CHP1: variants seen among roughly 807,000 people sequenced by gnomAD.
CHP1 encodes the protein calcineurin like EF-hand protein 1, also known as calcineurin B homologous protein 1.
CHP1 carries 11 observed loss-of-function variants against 27.4 expected under a neutral mutation model. That is an observed-to-expected ratio of 0.40 (90% CI 0.25 to 0.67). The LOEUF is 0.67. CHP1 is among the 30% of genes least tolerant of loss of function. The pLI is 0.38. For missense variants in CHP1, 169 were observed against 251.3 expected, an observed-to-expected ratio of 0.67 and a Z score of 2.22; for synonymous variants, 89 against 87.4, an observed-to-expected ratio of 1.02 and a Z score of -0.10.
chr15:41,256,300 A>G (rs2047400400), intron 2 of CHP1, among the ~76,000 whole-genome samples: 1 of 152,210 alleles, frequency 6.6e-6, no homozygotes, highest in Non-Finnish European at 1.5e-5. Context: ...CGCCTAAGTC[A>G]TGTGAGGATG....
At chr15:41,276,632 C>G (rs1314547602) in intron 5 of CHP1, among the ~76,000 whole-genome samples, 3 of 152,168 alleles carry the variant, frequency 2.0e-5, no homozygotes, top group Non-Finnish European at 4.4e-5. Context: ...ATTCTCGCAG[C>G]CTTTTAATTG....
At chr15:41,231,882 A>G (rs2047247012) in intron 1 of CHP1, among the ~76,000 whole-genome samples, 1 of 152,178 alleles carries the variant, frequency 6.6e-6, no homozygotes. Context: ...ACCTCTGACA[A>G]CTATGGGAAA....
At chr15:41,243,499 C>CT (rs2047317568) in intron 1 of CHP1, among the ~76,000 whole-genome samples, 168 bp from the exon 2 acceptor site, 1 of 152,202 alleles carries the variant, frequency 6.6e-6, no homozygotes, top group South Asian at 2.1e-4. Flanking sequence ...AGTTTATTCT[C>CT]TAACTCCTTT....
At chr15:41,236,890 C>G (rs1257525649) in intron 1 of CHP1, among the ~76,000 whole-genome samples, 1 of 150,238 alleles carries the variant, frequency 6.7e-6, no homozygotes, top group South Asian at 2.1e-4. Context: ...AGTGCAGTGA[C>G]TCGATCTCAG....
chr15:41,235,383 G>T (rs962463033), intron 1 of CHP1, among the ~76,000 whole-genome samples: 2 of 152,064 alleles, frequency 1.3e-5, no homozygotes, highest in African/African-American at 4.8e-5. Flanking sequence ...AAAATTAGCT[G>T]GACATGGTGA....
chr15:41,256,823 C>T, intron 2 of CHP1, 87 bp from the exon 3 acceptor site: 1 of 1,038,586 alleles, frequency 9.6e-7, no homozygotes, highest in Non-Finnish European at 1.5e-6. Flanking sequence ...AATATTCTTG[C>T]TAGGTTACAC....
chr15:41,256,861 A>C (rs940373017), intron 2 of CHP1, 49 bp from the exon 3 acceptor site: 1 of 1,505,442 alleles, frequency 6.6e-7, no homozygotes, highest in Non-Finnish European at 9.3e-7. Context: ...TAAGGAGTTC[A>C]TGCTAAGGGC....
intron 2 of CHP1, among the ~76,000 whole-genome samples, chr15:41,244,644 A>T (rs1451437588): frequency 6.6e-6 from 1 of 152,156 alleles, no homozygotes; most frequent in African/African-American, 2.4e-5. Flanking sequence ...CCTACAGTGC[A>T]CAGGACAGCC....
At chr15:41,258,592 A>G (rs957788706) in intron 3 of CHP1, among the ~76,000 whole-genome samples, 7 of 152,222 alleles carry the variant, frequency 4.6e-5, no homozygotes, top group Middle Eastern at 3.4e-3. Context: ...TGTCAAGTAG[A>G]TTGTTCTTAA....
chr15:41,248,300 C>T (rs1396100766), intron 2 of CHP1, among the ~76,000 whole-genome samples: 3 of 152,172 alleles, frequency 2.0e-5, no homozygotes, highest in African/African-American at 7.2e-5. Context: ...AGGCATGCAT[C>T]ACTATGCCTG....
chr15:41,242,226 A>G (rs539041356), intron 1 of CHP1, among the ~76,000 whole-genome samples: 1 of 152,324 alleles, frequency 6.6e-6, no homozygotes, highest in East Asian at 1.9e-4. Flanking sequence ...AGTGAAGCTC[A>G]TGCCATCACA....
At chr15:41,241,078 CTT>C (rs547226307) in intron 1 of CHP1, among the ~76,000 whole-genome samples, 1 of 152,178 alleles carries the variant, frequency 6.6e-6, no homozygotes, top group Non-Finnish European at 1.5e-5. Context: ...GTCTCGATCT[CTT>C]TTCCTCAGCA....
In CHP1 at chr15:41,281,334, G is replaced by A; in HGVS notation, c.*1945G>A. The A allele has an allele frequency of 6.6e-6, 1 of 152,620 alleles. No homozygotes were observed. The highest frequency in any genetic ancestry group is 1.5e-5 in the Non-Finnish European group (1 of 68,046). 9.5% of individuals were successfully genotyped at this position (152,620 alleles called of 1,614,324 possible). A position where few individuals can be genotyped will look rare whatever the true frequency, so the allele number is the denominator to read the frequency against. On this transcript the variant is annotated 3_prime_UTR_variant, in exon 7 of 7. Transcript: ENST00000334660. ...CTTAAAAACAAGAGGTCTGGCACTA[G>A]TAGCACAACCTAAGGTGGCATTACA...
At chr15:41,269,206 A>G (rs1464725324) in intron 4 of CHP1, among the ~76,000 whole-genome samples, 1 of 152,150 alleles carries the variant, frequency 6.6e-6, no homozygotes, top group African/African-American at 2.4e-5. Context: ...CTGTCTGAAA[A>G]AAATAAATAA....
At chr15:41,253,715 A>G (rs919800038) in intron 2 of CHP1, among the ~76,000 whole-genome samples, 5 of 151,736 alleles carry the variant, frequency 3.3e-5, no homozygotes, top group African/African-American at 1.2e-4. Context: ...CGGCCTCCCA[A>G]AGTGCTGGGA....
intron 5 of CHP1, among the ~76,000 whole-genome samples, chr15:41,278,001 G>C (rs548370549): frequency 1.3e-5 from 2 of 151,580 alleles, no homozygotes; most frequent in African/African-American, 4.8e-5. Flanking sequence ...ACATGGAAAA[G>C]GTACAGTAAA....
intron 5 of CHP1, among the ~76,000 whole-genome samples, chr15:41,271,108 A>C (rs1054399936): frequency 4.6e-5 from 7 of 151,996 alleles, no homozygotes; most frequent in Non-Finnish European, 1.0e-4. Flanking sequence ...ACAAAAAATT[A>C]GCCGGGTGTG....
Position 41,279,812 on chromosome 15 carries a change from G to T in CHP1, c.*423G>T. The T allele has an allele frequency of 6.1e-6, 1 of 164,728 alleles. No individual in the cohort carries two copies. 10.2% of individuals were successfully genotyped at this position (164,728 alleles called of 1,614,324 possible). A position where few individuals can be genotyped will look rare whatever the true frequency, so the allele number is the denominator to read the frequency against. Reference sequence around the variant, plus strand: ...TCTTCATCCTTTTTATATGTTCTTTGCTTCCTACTTCCCTGTCTTCCAACA... The same window carrying T: ...TCTTCATCCTTTTTATATGTTCTTTTCTTCCTACTTCCCTGTCTTCCAACA... On this transcript the variant is annotated 3_prime_UTR_variant, in exon 7 of 7. Coordinates refer to ENST00000334660, the MANE Select transcript of CHP1 (RefSeq NM_007236.5).
At chr15:41,262,724 AT>A (rs1348827771) in intron 3 of CHP1, 31 bp from the exon 4 acceptor site, 1 of 1,608,766 alleles carries the variant, frequency 6.2e-7, no homozygotes, top group Non-Finnish European at 8.5e-7. Flanking sequence ...CGTGATTGAC[AT>A]GGTGTTGTGT....
Sources: allele counts gnomAD v4.1 joint callset (sites outside exome capture counted in the v4.1 genomes callset), GRCh38; gene constraint gnomAD v4.1.1; transcripts MANE v1.5; gene names NCBI Gene and HGNC (gene_info 2026-07-23, HGNC 2026-07-21).